Variants in CHRNA7 observed in about 807,000 individuals in gnomAD.
CHRNA7 encodes cholinergic receptor nicotinic alpha 7 subunit, also known as neuronal acetylcholine receptor subunit alpha-7.
A neutral mutation model predicts 48.0 loss-of-function variants in CHRNA7; 17 were observed. The ratio of observed to expected loss-of-function variants is 0.35; its 90% CI spans 0.24 to 0.53. CHRNA7 has a LOEUF of 0.53. CHRNA7 is among the 20% of genes least tolerant of loss of function. CHRNA7 has a pLI of 0.92. For missense variants in CHRNA7, 155 were observed against 577.7 expected (o/e 0.27, Z 7.50); for synonymous variants, 75 against 242.3 (o/e 0.31, Z 6.41).
At chr15:32,111,587 AC>A in intron 3 of CHRNA7, 1 of 525,208 alleles carries the variant, frequency 1.9e-6, no homozygotes, top group Non-Finnish European at 3.3e-6. Context: ...TGACAGCAGA[AC>A]CTTAAATGTG....
At chr15:32,036,805 A>T (rs1902113110) in intron 2 of CHRNA7, among the ~76,000 whole-genome samples, 1 of 147,912 alleles carries the variant, frequency 6.8e-6, no homozygotes. Context: ...TTCTGAATTT[A>T]AGAGTTTTTG....
chr15:32,037,945 C>T (rs373676347), intron 2 of CHRNA7, among the ~76,000 whole-genome samples: 3 of 151,092 alleles, frequency 2.0e-5, no homozygotes, highest in East Asian at 3.9e-4. Flanking sequence ...TTCCAGTGTG[C>T]TATTGAAAGG....
At chr15:32,111,959 G>A (rs1424778171) in intron 4 of CHRNA7, 60 bp downstream of exon 4, 8 of 989,344 alleles carry the variant, frequency 8.1e-6, no homozygotes, top group Middle Eastern at 2.0e-4. Context: ...TAGCTATCAC[G>A]TATATTTGAA....
intron 2 of CHRNA7, among the ~76,000 whole-genome samples, chr15:32,037,877 T>C (rs183023800): frequency 4.0e-4 from 61 of 151,952 alleles, no homozygotes; most frequent in African/African-American, 1.4e-3. Context: ...TTATTTCTTT[T>C]TTCCCAGTCT....
chr15:32,093,557 A>G (rs2050417042), intron 2 of CHRNA7, among the ~76,000 whole-genome samples: 1 of 152,140 alleles, frequency 6.6e-6, no homozygotes, highest in Non-Finnish European at 1.5e-5. Flanking sequence ...GCTCCCTTCA[A>G]TCTGGCATTG....
At chr15:32,142,145 G>T (rs1338398199) in intron 4 of CHRNA7, among the ~76,000 whole-genome samples, 1 of 152,146 alleles carries the variant, frequency 6.6e-6, no homozygotes, top group African/African-American at 2.4e-5. Flanking sequence ...GTTGAATTTT[G>T]TCGAAGGCCT....
At position 32,042,393 on chromosome 15, in the gene CHRNA7, A is replaced by G. The variant is rs574841421; in HGVS notation, c.195+11356A>G. 7.2e-5 allele frequency among the ~76,000 whole-genome samples: 11 copies of G among 152,288 alleles called. No homozygotes were observed. In the East Asian group the frequency reaches 2.1e-3, roughly 29 times the overall value. On this transcript the variant is annotated intron_variant, in intron 2 of 9. Transcript: ENST00000306901. ...CTCCTGATGGCAGGCCTTATTAAAAACAACAGAAAATTCTGGCACATTTCC... is the reference window on the plus strand; with the variant it reads ...CTCCTGATGGCAGGCCTTATTAAAAGCAACAGAAAATTCTGGCACATTTCC...
At chr15:32,031,617 G>A (rs529122749) in intron 2 of CHRNA7, among the ~76,000 whole-genome samples, 175 of 152,284 alleles carry the variant, frequency 1.1e-3, no homozygotes, top group Non-Finnish European at 2.2e-3. Flanking sequence ...GTCCTGCTCC[G>A]AGGACTCAGG....
chr15:32,120,206 C>T lies in CHRNA7; in HGVS notation c.350+8307C>T, dbSNP rs190436290. ...TCACTCAGCTGGGTCTGCCTGACTCCATAGTCTGACTCATTACTGGCCAGT... is the reference window on the plus strand; with the variant it reads ...TCACTCAGCTGGGTCTGCCTGACTCTATAGTCTGACTCATTACTGGCCAGT... On this transcript the variant is annotated intron_variant, in intron 4 of 9. Transcript: ENST00000306901. Among the ~76,000 whole-genome samples, 602 of 152,316 alleles carry T rather than the reference C, an allele frequency of 4.0e-3. 19 individuals carry two copies. The highest frequency in any genetic ancestry group is 0.035 in the Admixed American group (538 of 15,304).
chr15:32,042,068 T>A (rs565561857), intron 2 of CHRNA7, among the ~76,000 whole-genome samples: 1 of 152,362 alleles, frequency 6.6e-6, no homozygotes, highest in Admixed American at 6.5e-5. Flanking sequence ...TGCTTTGTAA[T>A]TTTTTCTTGA....
At chr15:32,139,772 T>C (rs2051343922) in intron 4 of CHRNA7, among the ~76,000 whole-genome samples, 1 of 152,170 alleles carries the variant, frequency 6.6e-6, no homozygotes, top group African/African-American at 2.4e-5. Flanking sequence ...AGTTCATTAT[T>C]AGATGTGTCT....
chr15:32,130,711 T>C (rs1257203531), intron 4 of CHRNA7, among the ~76,000 whole-genome samples: 1 of 152,022 alleles, frequency 6.6e-6, no homozygotes, highest in Non-Finnish European at 1.5e-5. Context: ...ATTTTATGTA[T>C]GTAACTTATT....
intron 5 of CHRNA7, among the ~76,000 whole-genome samples, chr15:32,154,789 G>A (rs1481336646): frequency 1.4e-5 from 2 of 139,556 alleles, no homozygotes; most frequent in African/African-American, 2.9e-5. Flanking sequence ...TCACACATAC[G>A]ACTCACACAC....
At chr15:32,133,731 A>G (rs956335795) in intron 4 of CHRNA7, among the ~76,000 whole-genome samples, 1 of 152,190 alleles carries the variant, frequency 6.6e-6, no homozygotes, top group African/African-American at 2.4e-5. Context: ...TGCTGGTTTG[A>G]TATGTCCAGC....
chr15:32,070,671 T>TTTTTTC (rs2050042406), intron 2 of CHRNA7, among the ~76,000 whole-genome samples: 1 of 9,264 alleles, frequency 1.1e-4, no homozygotes, highest in African/African-American at 6.0e-4. Context: ...TTTAGTTCCT[T>TTTTTTC]TTTTTTTTTT....
At chr15:32,120,256 C>T (rs1366748115) in intron 4 of CHRNA7, among the ~76,000 whole-genome samples, 4 of 152,052 alleles carry the variant, frequency 2.6e-5, no homozygotes, top group African/African-American at 4.8e-5. Context: ...GGAAAGAGCT[C>T]GGTCTCTTGT....
chr15:32,041,310 A>G (rs897201678), intron 2 of CHRNA7, among the ~76,000 whole-genome samples: 1 of 151,920 alleles, frequency 6.6e-6, no homozygotes, highest in African/African-American at 2.4e-5. Flanking sequence ...GTGGAAGACA[A>G]TTTTTCCATA....
chr15:32,089,156 T>G (rs1053403517), intron 2 of CHRNA7, among the ~76,000 whole-genome samples: 8 of 152,210 alleles, frequency 5.3e-5, no homozygotes, highest in Non-Finnish European at 1.2e-4. Context: ...CTACTGAGCT[T>G]CTTGGATCTA....
chr15:32,046,962 C>T (rs1172592953), intron 2 of CHRNA7, among the ~76,000 whole-genome samples: 1 of 151,108 alleles, frequency 6.6e-6, no homozygotes, highest in African/African-American at 2.4e-5. Context: ...TCAGGTTTGT[C>T]AAAGATCAGA....
Sources: gnomAD v4.1 joint callset for allele counts (sites outside exome capture counted in the v4.1 genomes callset) on GRCh38, gnomAD v4.1.1 for gene constraint, MANE v1.5 for transcripts, NCBI Gene and HGNC (gene_info 2026-07-23, HGNC 2026-07-21) for gene names.